SGIP1: variants seen among roughly 807,000 people sequenced by gnomAD.
SGIP1 encodes the protein SH3GL interacting endocytic adaptor 1.
Under a neutral mutation model 107.5 loss-of-function variants are expected in SGIP1, and 38 were observed. The observed-to-expected ratio is 0.35, with a 90% CI of 0.27 to 0.46. The LOEUF is 0.46. SGIP1 is among the 20% of genes least tolerant of loss of function. The pLI, the probability that SGIP1 is intolerant of heterozygous loss-of-function variation, is 1.00. For missense variants in SGIP1, 929 were observed against 1,019.5 expected (o/e 0.91, Z 1.21); for synonymous variants, 365 against 366.1 (o/e 1.00, Z 0.03).
At chr1:66,560,360 C>T (rs1272337716) in intron 1 of SGIP1, among the ~76,000 whole-genome samples, 1 of 152,056 alleles carries the variant, frequency 6.6e-6, no homozygotes, top group Non-Finnish European at 1.5e-5. Flanking sequence ...GCACTCTATC[C>T]TTGTAGTTCA....
intron 3 of SGIP1, among the ~76,000 whole-genome samples, chr1:66,633,308 C>T (rs2075167141): frequency 6.6e-6 from 1 of 152,112 alleles, no homozygotes; most frequent in Non-Finnish European, 1.5e-5. Context: ...TAAAACCCTG[C>T]CCCAGAGCAG....
chr1:66,640,499 T>C (rs757099433), intron 5 of SGIP1, among the ~76,000 whole-genome samples: 8 of 151,854 alleles, frequency 5.3e-5, no homozygotes, highest in Non-Finnish European at 7.4e-5. Context: ...GGCTGAACAT[T>C]TGGGGGAAGA....
rs975838197 is a variant in SGIP1 at position 66,749,443 on chromosome 1, T to G, written c.*6348T>G. Among the ~76,000 whole-genome samples, 32 of 69,794 alleles carry G rather than the reference T, an allele frequency of 4.6e-4. No homozygotes were observed. Among genetic ancestry groups the G allele is most frequent in the Non-Finnish European group, 6.9e-4 (23 of 33,556 alleles). The allele number at this position is 69,794 out of a possible 152,430, so 45.8% of individuals were successfully genotyped here. On this transcript the variant is annotated 3_prime_UTR_variant, in exon 25 of 25. Coordinates refer to ENST00000371037, the MANE Select transcript of SGIP1 (RefSeq NM_032291.4). ...CTCTTTTAATGAGCATTTCATAGGG[T>G]TTTTTTTTTGCTGTTTTTTTTTCTT...
chr1:66,574,174 T>C (rs941429878), intron 1 of SGIP1, among the ~76,000 whole-genome samples: 1 of 152,130 alleles, frequency 6.6e-6, no homozygotes, highest in Non-Finnish European at 1.5e-5. Context: ...GAGTCCTCTG[T>C]AATCATCTGG....
chr1:66,707,869 C>T (rs905359334), intron 18 of SGIP1, among the ~76,000 whole-genome samples: 1 of 152,104 alleles, frequency 6.6e-6, no homozygotes, highest in African/African-American at 2.4e-5. Context: ...CTCCCCAAGT[C>T]GAATTCTAAT....
At chr1:66,556,070 G>A (rs2058130313) in intron 1 of SGIP1, among the ~76,000 whole-genome samples, 1 of 152,108 alleles carries the variant, frequency 6.6e-6, no homozygotes, top group Non-Finnish European at 1.5e-5. Flanking sequence ...CCAGAGTAAT[G>A]CCAAGACTAA....
intron 7 of SGIP1, among the ~76,000 whole-genome samples, chr1:66,647,402 G>A (rs1397156450): frequency 6.6e-6 from 1 of 152,190 alleles, no homozygotes; most frequent in Non-Finnish European, 1.5e-5. Context: ...TTCACTGCAA[G>A]GGAGTCTGGA....
Position 66,749,315 on chromosome 1 carries a change from T to C in SGIP1, c.*6220T>C, listed in dbSNP as rs912773400. Among the ~76,000 whole-genome samples, 1 of 151,992 alleles carries C rather than the reference T, an allele frequency of 6.6e-6. No individual in the cohort carries two copies. The highest frequency in any genetic ancestry group is 1.9e-4 in the East Asian group (1 of 5,196). The stretch of plus-strand genomic sequence containing the variant: ...GAAACTGAATCATGATAGATCAATG[T>C]TGACAGTATTTTTACATCAGCTTGT... On this transcript the variant is annotated 3_prime_UTR_variant, in exon 25 of 25. Coordinates refer to ENST00000371037, the MANE Select transcript of SGIP1 (RefSeq NM_032291.4).
chr1:66,599,866 T>C (rs1177507265), intron 1 of SGIP1, among the ~76,000 whole-genome samples: 1 of 152,190 alleles, frequency 6.6e-6, no homozygotes, highest in Non-Finnish European at 1.5e-5. Flanking sequence ...ATTGGACACT[T>C]GGGATCTATT....
intron 1 of SGIP1, among the ~76,000 whole-genome samples, chr1:66,584,603 A>G (rs887594973): frequency 2.6e-5 from 4 of 152,136 alleles, no homozygotes; most frequent in African/African-American, 9.6e-5. Context: ...ATACTGTACT[A>G]TGTTAGCTTC....
At chr1:66,644,745 A>G (rs1199307216) in intron 7 of SGIP1, among the ~76,000 whole-genome samples, 2 of 152,188 alleles carry the variant, frequency 1.3e-5, no homozygotes, top group Non-Finnish European at 2.9e-5. Context: ...TTTAGTGTTT[A>G]ATGCTTATAA....
chr1:66,668,565 TC>T (rs1401890415), intron 9 of SGIP1, among the ~76,000 whole-genome samples: 1 of 152,130 alleles, frequency 6.6e-6, no homozygotes, highest in Non-Finnish European at 1.5e-5. Flanking sequence ...ACCTGGTCAG[TC>T]CCTTAAGAGA....
rs35762612 is a variant in SGIP1 at position 66,592,897 on chromosome 1, C to CTTTTTTTTTTTTTTTTT, written c.11-32936_11-32920dup. ...CTTTCCTTCTTTCTTTCTTCTTCTT[C>CTTTTTTTTTTTTTTTTT]TTTTTTTTTTTTTTTTTTTTTTTTT... On this transcript the variant is annotated intron_variant, in intron 1 of 24. Coordinates refer to ENST00000371037, the MANE Select transcript of SGIP1 (RefSeq NM_032291.4). Among the ~76,000 whole-genome samples the CTTTTTTTTTTTTTTTTT allele has an allele frequency of 9.0e-4, 51 of 56,364 alleles. 1 individual carries two copies. Among genetic ancestry groups the CTTTTTTTTTTTTTTTTT allele is most frequent in the Non-Finnish European group, 9.5e-4 (32 of 33,590 alleles). 37.0% of individuals were successfully genotyped at this position (56,364 alleles called of 152,430 possible).
intron 23 of SGIP1, among the ~76,000 whole-genome samples, 164 bp downstream of exon 23, chr1:66,740,886 G>T (rs2094427809): frequency 6.6e-6 from 1 of 152,092 alleles, no homozygotes; most frequent in East Asian, 1.9e-4. Flanking sequence ...ATTCTTCAAT[G>T]AATTCTCTTT....
intron 1 of SGIP1, among the ~76,000 whole-genome samples, chr1:66,544,630 A>C (rs532477626): frequency 1.0e-3 from 158 of 152,322 alleles, no homozygotes; most frequent in Middle Eastern, 3.4e-3. Flanking sequence ...CGGAGGCTGC[A>C]GTGAGCTATG....
chr1:66,646,599 G>T (rs2077711709), intron 7 of SGIP1, among the ~76,000 whole-genome samples: 1 of 152,080 alleles, frequency 6.6e-6, no homozygotes, highest in South Asian at 2.1e-4. Context: ...TATTATACTT[G>T]AATAGTTTCG....
intron 9 of SGIP1, among the ~76,000 whole-genome samples, chr1:66,670,242 A>G (rs891941582): frequency 6.6e-6 from 1 of 152,204 alleles, no homozygotes; most frequent in Non-Finnish European, 1.5e-5. Flanking sequence ...CTCTTAATCT[A>G]ATCAATCCTT....
At chr1:66,580,154 A>G (rs887082629) in intron 1 of SGIP1, among the ~76,000 whole-genome samples, 16 of 152,120 alleles carry the variant, frequency 1.1e-4, no homozygotes, top group African/African-American at 3.6e-4. Flanking sequence ...ATCATGTCAC[A>G]TATTTTCAAT....
At chr1:66,634,263 G>C in intron 3 of SGIP1, 1 of 863,906 alleles carries the variant, frequency 1.2e-6, no homozygotes, top group Non-Finnish European at 1.9e-6. Context: ...TAGCTACTCT[G>C]CTTTCTATCC....
Sources: allele counts gnomAD v4.1 joint callset (sites outside exome capture counted in the v4.1 genomes callset), GRCh38; gene constraint gnomAD v4.1.1; transcripts MANE v1.5; gene names NCBI Gene and HGNC (gene_info 2026-07-23, HGNC 2026-07-21).